The following SNX29 variants were observed in gnomAD, a reference collection of about 807,000 sequenced individuals.
SNX29 encodes sorting nexin-29.
A neutral mutation model predicts 102.1 loss-of-function variants in SNX29; 78 were observed. The observed-to-expected ratio is 0.76, with a 90% CI of 0.64 to 0.92. The LOEUF (loss-of-function observed/expected upper bound fraction) is 0.92. SNX29 is among the 40% of genes least tolerant of loss of function. The pLI is 0.00. For synonymous variants in SNX29, 580 were observed against 414.5 expected (o/e 1.40, Z -4.85); for missense variants, 1,280 against 1,061.7 (o/e 1.21, Z -2.86).
At chr16:12,542,773 T>TA (rs1328983873) in intron 20 of SNX29, among the ~76,000 whole-genome samples, 7 of 150,670 alleles carry the variant, frequency 4.6e-5, no homozygotes, top group African/African-American at 1.7e-4. Context: ...TTTTTTTTTT[T>TA]AAACAAAGTA....
At chr16:12,089,488 G>C (rs2052396566) in intron 11 of SNX29, among the ~76,000 whole-genome samples, 1 of 152,180 alleles carries the variant, frequency 6.6e-6, no homozygotes, top group South Asian at 2.1e-4. Flanking sequence ...TGTCAGAACT[G>C]TGGGGAAGAC....
At chr16:12,537,615 A>C (rs541339695) in intron 20 of SNX29, among the ~76,000 whole-genome samples, 1 of 152,266 alleles carries the variant, frequency 6.6e-6, no homozygotes, top group South Asian at 2.1e-4. Context: ...TCAGTCCCAA[A>C]ATGATTGAGT....
At chr16:12,008,781 G>A (rs1476225571) in intron 3 of SNX29, among the ~76,000 whole-genome samples, 1 of 148,298 alleles carries the variant, frequency 6.7e-6, no homozygotes, top group South Asian at 2.1e-4. Context: ...TTGCTCTGTC[G>A]CACAGGCTGG....
At chr16:12,547,856 G>C (rs183986758) in intron 20 of SNX29, among the ~76,000 whole-genome samples, 17 of 152,160 alleles carry the variant, frequency 1.1e-4, no homozygotes, top group Admixed American at 1.1e-3. Context: ...CTGGAGTTTA[G>C]CAAAATGAGC....
intron 18 of SNX29, among the ~76,000 whole-genome samples, chr16:12,467,716 CTGAG>C (rs1432726958): frequency 6.6e-6 from 1 of 151,916 alleles, no homozygotes; most frequent in African/African-American, 2.4e-5. Context: ...GGAATATATA[CTGAG>C]TGTTTCTTTT....
At chr16:12,399,978 TCA>T (rs1197327172) in intron 17 of SNX29, among the ~76,000 whole-genome samples, 1 of 151,928 alleles carries the variant, frequency 6.6e-6, no homozygotes, top group Non-Finnish European at 1.5e-5. Flanking sequence ...AAGCAAGAAT[TCA>T]CCCATGTCCT....
intron 13 of SNX29, among the ~76,000 whole-genome samples, chr16:12,130,058 C>A (rs771262674): frequency 4.6e-5 from 7 of 151,428 alleles, no homozygotes; most frequent in Non-Finnish European, 1.0e-4. Context: ...GAGCCGAAAT[C>A]ACACCACTGC....
chr16:12,431,466 T>G (rs1233938760), intron 18 of SNX29, among the ~76,000 whole-genome samples: 3 of 151,934 alleles, frequency 2.0e-5, no homozygotes, highest in Non-Finnish European at 4.4e-5. Flanking sequence ...TTTTTTGTTT[T>G]TTTTGCATTG....
intron 13 of SNX29, among the ~76,000 whole-genome samples, chr16:12,181,120 G>C (rs966780336): frequency 2.0e-5 from 3 of 152,218 alleles, no homozygotes; most frequent in Non-Finnish European, 4.4e-5. Context: ...TGCTAGGGGA[G>C]AGGAAGAATC....
At chr16:12,439,775 C>T (rs1446647471) in intron 18 of SNX29, among the ~76,000 whole-genome samples, 1 of 152,230 alleles carries the variant, frequency 6.6e-6, no homozygotes, top group Admixed American at 6.5e-5. Context: ...CTTACTTTGC[C>T]TCTCTGAGAC....
At chr16:12,375,990 C>G (rs1013357599) in intron 16 of SNX29, 1 of 135,040 alleles carries the variant, frequency 7.4e-6, no homozygotes, top group African/African-American at 2.8e-5. Flanking sequence ...CCAAGATCGA[C>G]CCACTACATT....
rs148459986 is a variant in SNX29 at position 12,433,460 on chromosome 16, G to A, written c.2037+29931G>A. On this transcript the variant is annotated intron_variant, in intron 18 of 20. Coordinates refer to ENST00000566228, the MANE Select transcript of SNX29 (RefSeq NM_032167.5). ...AGCCTGGCCAGTATGGTGAAACCCC[G>A]TCTCTACTAAAAATAGAACAATTAG... Among the ~76,000 whole-genome samples, 1,500 of 151,894 alleles carry A rather than the reference G, an allele frequency of 9.9e-3. 30 individuals are homozygous for A. Among genetic ancestry groups the A allele is most frequent in the African/African-American group, 0.034 (1,427 of 41,404 alleles).
chr16:12,148,030 G>A (rs550949176), intron 13 of SNX29, among the ~76,000 whole-genome samples: 1 of 152,340 alleles, frequency 6.6e-6, no homozygotes, highest in South Asian at 2.1e-4. Context: ...AATTCGTACT[G>A]GTGCCAAACA....
At chr16:12,399,439 A>G (rs890312764) in intron 17 of SNX29, among the ~76,000 whole-genome samples, 2 of 152,166 alleles carry the variant, frequency 1.3e-5, no homozygotes, top group African/African-American at 2.4e-5. Flanking sequence ...TCTCTCATTC[A>G]TCTCTGGCGA....
At chr16:12,534,599 C>A (rs1225951547) in intron 20 of SNX29, among the ~76,000 whole-genome samples, 1 of 152,160 alleles carries the variant, frequency 6.6e-6, no homozygotes, top group African/African-American at 2.4e-5. Flanking sequence ...GGTATTGTCA[C>A]CTGTTAAATT....
intron 9 of SNX29, 131 bp downstream of exon 9, chr16:12,061,777 C>G: frequency 1.4e-6 from 1 of 710,534 alleles, no homozygotes; most frequent in East Asian, 2.7e-5. Context: ...TGGTTCAGGG[C>G]CAGGGGGAGC....
chr16:12,570,797 TGA>T lies in SNX29; in HGVS notation c.*2173_*2174del, dbSNP rs1000679573. 3.0e-5 allele frequency: 7 copies of T among 232,260 alleles called. No individual in the cohort carries two copies. The highest frequency in any genetic ancestry group is 6.0e-5 in the Non-Finnish European group (7 of 117,552). The allele number at this position is 232,260 out of a possible 1,614,324, so 14.4% of individuals were successfully genotyped here. ...TAATAATGCAACAGTCCCCCATTGC[TGA>T]GAGATACTAACCCGTGAGAAACAAG... On this transcript the variant is annotated 3_prime_UTR_variant, in exon 21 of 21. Transcript: ENST00000566228.
chr16:12,080,318 C>T (rs1054326196), intron 11 of SNX29, among the ~76,000 whole-genome samples: 16 of 152,142 alleles, frequency 1.1e-4, no homozygotes, highest in African/African-American at 3.4e-4. Flanking sequence ...GAGCAGACAC[C>T]GTAAGGCTGC....
chr16:12,051,136 C>T (rs1365660359), intron 7 of SNX29, among the ~76,000 whole-genome samples: 1 of 152,130 alleles, frequency 6.6e-6, no homozygotes, highest in East Asian at 1.9e-4. Flanking sequence ...TGAGACTAGC[C>T]TGGGCAGCAC....
Sources: allele counts gnomAD v4.1 joint callset (sites outside exome capture counted in the v4.1 genomes callset), GRCh38; gene constraint gnomAD v4.1.1; transcripts MANE v1.5; gene names NCBI Gene and HGNC (gene_info 2026-07-23, HGNC 2026-07-21).